Variants in MORN4 observed in about 807,000 individuals in gnomAD.
MORN4 encodes the protein MORN repeat containing 4, also known as MORN repeat-containing protein 4.
Under a neutral mutation model 16.4 loss-of-function variants are expected in MORN4, and 8 were observed. The ratio of observed to expected loss-of-function variants is 0.49; its 90% CI spans 0.29 to 0.88. The LOEUF (loss-of-function observed/expected upper bound fraction) is 0.88. Ranked by LOEUF, MORN4 falls within the 40% of genes least tolerant of loss-of-function variation. The probability of loss-of-function intolerance (pLI) is 0.09; values close to 1 mark genes in which losing one functional copy is unlikely to be tolerated. For missense variants in MORN4, 159 were observed against 182.9 expected (o/e 0.87, Z 0.75); for synonymous variants, 53 against 68.9 (o/e 0.77, Z 1.14).
intron 1 of MORN4, among the ~76,000 whole-genome samples, chr10:97,627,447 C>A (rs949419906): frequency 2.0e-5 from 3 of 152,122 alleles, no homozygotes; most frequent in African/African-American, 7.2e-5. Context: ...CCAGCCAGAA[C>A]ATAATGATTT....
chr10:97,626,133 C>A (rs1182146490), intron 1 of MORN4, among the ~76,000 whole-genome samples: 4 of 150,986 alleles, frequency 2.6e-5, no homozygotes, highest in African/African-American at 9.8e-5. Flanking sequence ...GTAATCCCAG[C>A]ACTTTGGGAG....
intron 1 of MORN4, among the ~76,000 whole-genome samples, chr10:97,629,795 G>C (rs1020468698): frequency 6.6e-6 from 1 of 151,842 alleles, no homozygotes; most frequent in African/African-American, 2.4e-5. Context: ...GTCTCGCTTT[G>C]TCACGCTGGG....
At chr10:97,630,210 AGCCACTGT>A (rs1483716798) in intron 1 of MORN4, among the ~76,000 whole-genome samples, 2 of 152,032 alleles carry the variant, frequency 1.3e-5, no homozygotes, top group East Asian at 3.9e-4. Flanking sequence ...TACAGGCATG[AGCCACTGT>A]GCCCGGCCCC....
intron 1 of MORN4, among the ~76,000 whole-genome samples, chr10:97,620,529 G>T (rs1379436487): frequency 6.7e-6 from 1 of 148,604 alleles, no homozygotes; most frequent in African/African-American, 2.5e-5. Context: ...GAAAATATGG[G>T]GAACCAACAC....
rs1023503176 is a variant in MORN4, at chr10:97,614,569, T to TAA, written c.*1693_*1694insTT. The stretch of plus-strand genomic sequence containing the variant: ...AACTAGGTATAGGCAGTTCTGGTGA[T>TAA]TTCTTTATTCTTTATAAACACCTTT... On this transcript the variant is annotated 3_prime_UTR_variant, in exon 5 of 5. Transcript: ENST00000307450. 1 of 152,616 alleles carries TAA rather than the reference T, an allele frequency of 6.6e-6. No homozygotes were observed. The highest frequency in any genetic ancestry group is 6.5e-5 in the Admixed American group (1 of 15,278). The allele number at this position is 152,616 out of a possible 1,614,324, so 9.5% of individuals were successfully genotyped here. A position where few individuals can be genotyped will look rare whatever the true frequency, so the allele number is the denominator to read the frequency against.
intron 2 of MORN4, chr10:97,619,348 A>G: frequency 3.4e-6 from 2 of 583,428 alleles, no homozygotes; most frequent in South Asian, 4.5e-5. Flanking sequence ...AACAAAACAA[A>G]ACAAAAACAG....
Position 97,623,322 on chromosome 10 carries a change from G to A in MORN4, c.-30-3639C>T, listed in dbSNP as rs556077142. Among the ~76,000 whole-genome samples, 4 of 152,266 alleles carry A rather than the reference G, an allele frequency of 2.6e-5. No individual in the cohort carries two copies. The East Asian group carries it at 7.7e-4, about 29-fold the overall frequency. ...CAACCAAGCATGGTGGCTCATGCCT[G>A]TAATTCCAGCACTTTGGGAGGCTGA... On this transcript the variant is annotated intron_variant, in intron 1 of 4. Coordinates refer to ENST00000307450, the MANE Select transcript of MORN4 (RefSeq NM_178832.4).
chr10:97,628,234 A>C (rs1051961140), intron 1 of MORN4, among the ~76,000 whole-genome samples: 3 of 152,252 alleles, frequency 2.0e-5, no homozygotes, highest in Non-Finnish European at 4.4e-5. Flanking sequence ...AAAGATTATA[A>C]GAGCATTTCC....
At chr10:97,616,953 A>C (rs2041241670) in intron 3 of MORN4, among the ~76,000 whole-genome samples, 166 bp from the exon 4 acceptor site, 1 of 152,208 alleles carries the variant, frequency 6.6e-6, no homozygotes, top group Non-Finnish European at 1.5e-5. Flanking sequence ...CAGAGAGTAT[A>C]TATGACATGA....
Position 97,616,786 on chromosome 10 carries a change from A to G in MORN4, c.184T>C (p.Tyr62His), listed in dbSNP as rs1209689661. 6.2e-7 allele frequency: 1 copy of G among 1,606,330 alleles called. No individual in the cohort carries two copies. Among genetic ancestry groups the G allele is most frequent in the Non-Finnish European group, 8.5e-7 (1 of 1,173,138 alleles). Residue 62 changes from tyrosine to histidine, a missense_variant and splice_region_variant, in exon 4 of 5, where the codon TAT becomes CAT. By Grantham distance (83) the Tyr-to-His change is moderately conservative. Coordinates refer to ENST00000307450, the MANE Select transcript of MORN4 (RefSeq NM_178832.4). ...TTGCCCTGGGCAAACTCCCCCTCATACCTGCAGAAACACCAAGAAGTTAGC... is the reference window on the plus strand; with the variant it reads ...TTGCCCTGGGCAAACTCCCCCTCATGCCTGCAGAAACACCAAGAAGTTAGC... ...GVLTFSDGSR[Y>H]EGEFAQGKFN...
At chr10:97,633,625 CTA>C (rs918079393), upstream of MORN4, 5 of 1,286,324 alleles carry the variant, frequency 3.9e-6, no homozygotes, top group Admixed American at 1.2e-4. The surrounding 1 kb of genome is among the most constrained non-coding windows in gnomAD (Gnocchi z 4.5). Context: ...CCCGGGCTGA[CTA>C]TGTGAAAGAG....
chr10:97,616,336 C>T lies in MORN4; in HGVS notation c.368G>A (p.Arg123Gln), dbSNP rs1367988429. The T allele has an allele frequency of 5.0e-6, 8 of 1,613,188 alleles. No homozygotes were observed. The highest frequency in any genetic ancestry group is 5.9e-6 in the Non-Finnish European group (7 of 1,179,608). Residue 123 changes from arginine (R) to glutamine (Q), a missense_variant, in exon 5 of 5, where the codon CGA becomes CAA. Coordinates refer to ENST00000307450, the MANE Select transcript of MORN4 (RefSeq NM_178832.4). ...EGLFENNKLL[R>Q]REKCSAIVQR... ...AACAATGGCAGAACACTTCTCACGT[C>T]GCAGCAGCTTGTTGTTCTCAAAGAG... is the stretch of plus-strand genomic sequence containing the variant.
intron 1 of MORN4, among the ~76,000 whole-genome samples, chr10:97,622,898 T>TATTTATTTATTTA (rs2041315772): frequency 1.3e-5 from 2 of 148,892 alleles, no homozygotes. Context: ...TTTATTTATT[T>TATTTATTTATTTA]TTTAGAGACA....
intron 1 of MORN4, among the ~76,000 whole-genome samples, chr10:97,624,850 G>A (rs967474999): frequency 2.6e-5 from 4 of 152,030 alleles, no homozygotes; most frequent in African/African-American, 9.7e-5. Flanking sequence ...GCGCCACCAC[G>A]CCTGGCTAAT....
In MORN4 at chr10:97,614,578, T is replaced by A. The variant is rs1398255832; in HGVS notation, c.*1685A>T. 6.6e-6 allele frequency: 1 copy of A among 152,584 alleles called. No homozygotes were observed. The highest frequency in any genetic ancestry group is 1.5e-5 in the Non-Finnish European group (1 of 68,036). The allele number at this position is 152,584 out of a possible 1,614,324, so 9.5% of individuals were successfully genotyped here. On this transcript the variant is annotated 3_prime_UTR_variant, in exon 5 of 5. Coordinates refer to ENST00000307450, the MANE Select transcript of MORN4 (RefSeq NM_178832.4). The stretch of plus-strand genomic sequence containing the variant: ...TAGGCAGTTCTGGTGATTTCTTTAT[T>A]CTTTATAAACACCTTTTTCTACAGT...
intron 3 of MORN4, 50 bp from the exon 4 acceptor site, chr10:97,616,837 A>G (rs762755156): frequency 1.5e-6 from 2 of 1,309,868 alleles, no homozygotes; most frequent in Non-Finnish European, 2.2e-6. Context: ...AGCTGTCCAG[A>G]TGAACGGAGT....
In MORN4 at chr10:97,619,646, A is replaced by G; in HGVS notation, c.8T>C (p.Leu3Pro). 1 of 1,614,094 alleles carries G rather than the reference A, an allele frequency of 6.2e-7. No individual in the cohort carries two copies. The highest frequency in any genetic ancestry group is 8.5e-7 in the Non-Finnish European group (1 of 1,179,956). The change falls in exon 2 of 5, where the codon CTG becomes CCG. Residue 3 changes from leucine to proline, a missense_variant. Physicochemically the swap from Leu to Pro is moderately conservative, Grantham distance 98 (BLOSUM62 -3). Coordinates refer to ENST00000307450, the MANE Select transcript of MORN4 (RefSeq NM_178832.4). Reference protein sequence around the residue: MTLTKGSFTYSSG... With the variant: MTPTKGSFTYSSG... ...GGAGTAGGTGAAGGAACCTTTTGTC[A>G]GGGTCATGGTGACAGATTACAGGAT...
chr10:97,626,268 T>C (rs532954180), intron 1 of MORN4, among the ~76,000 whole-genome samples: 1 of 151,686 alleles, frequency 6.6e-6, no homozygotes, highest in South Asian at 2.1e-4. Flanking sequence ...TCCCAGCTAC[T>C]TGAGAGGCTG....
At position 97,617,297 on chromosome 10, in the gene MORN4, C is replaced by G. The variant is rs1400425547; in HGVS notation, c.93G>C (p.Leu31=). Residue 31 remains leucine, a synonymous_variant, in exon 3 of 5, where the codon CTG becomes CTC. Transcript: ENST00000307450. ...GGTAGGTGCCACCATCTGCAAACATCAGTTGACCAAAACCATGCCTGCGGC... is the reference window on the plus strand; with the variant it reads ...GGTAGGTGCCACCATCTGCAAACATGAGTTGACCAAAACCATGCCTGCGGC... The part of the protein sequence containing the change: ...KEGRRHGFGQ[L]MFADGGTYLG... 2.5e-6 allele frequency: 4 copies of G among 1,614,070 alleles called. No homozygotes were observed. Among genetic ancestry groups the G allele is most frequent in the Non-Finnish European group, 2.5e-6 (3 of 1,180,028 alleles).
Sources: gnomAD v4.1 joint callset for allele counts (sites outside exome capture counted in the v4.1 genomes callset) on GRCh38, gnomAD v4.1.1 for gene constraint, Gnocchi (gnomAD v3.1) non-coding constraint, MANE v1.5 for transcripts, NCBI Gene and HGNC (gene_info 2026-07-23, HGNC 2026-07-21) for gene names.